AGPAT4: variants seen among roughly 807,000 people sequenced by gnomAD.
The protein encoded by AGPAT4 is 1-acyl-sn-glycerol-3-phosphate acyltransferase delta.
A neutral mutation model predicts 48.0 loss-of-function variants in AGPAT4; 15 were observed. That is an observed-to-expected ratio of 0.31 (90% CI 0.21 to 0.48). The LOEUF (loss-of-function observed/expected upper bound fraction) is 0.48, where lower values mean the gene tolerates loss of function less well. Among genes scored for constraint, AGPAT4 ranks in the 20% least tolerant of loss-of-function variants. AGPAT4 has a pLI of 0.99. For missense variants in AGPAT4, 314 were observed against 482.5 expected, an observed-to-expected ratio of 0.65 and a Z score of 3.27; for synonymous variants, 178 against 198.7, an observed-to-expected ratio of 0.90 and a Z score of 0.88.
chr6:161,261,609 G>A lies in AGPAT4; in HGVS notation c.-90+12329C>T, dbSNP rs566261470. On this transcript the variant is annotated intron_variant, in intron 1 of 8. Transcript: ENST00000320285. The surrounding 1 kb of genome is among the most constrained non-coding windows in gnomAD (Gnocchi z 5.3). Reference sequence around the variant, plus strand: ...AGGCATCATCATTAACAAAGCCAACGGAGGGATATTTTACCTTCCACAAAT... The same window carrying A: ...AGGCATCATCATTAACAAAGCCAACAGAGGGATATTTTACCTTCCACAAAT... Among the ~76,000 whole-genome samples the A allele has an allele frequency of 1.8e-4, 28 of 152,296 alleles. No individual in the cohort carries two copies. The South Asian group carries it at 5.2e-3, about 28-fold the overall frequency.
intron 2 of AGPAT4, among the ~76,000 whole-genome samples, chr6:161,176,008 G>C (rs2114988289): frequency 6.6e-6 from 1 of 152,302 alleles, no homozygotes; most frequent in South Asian, 2.1e-4. Flanking sequence ...GAGACAGTTT[G>C]TTATAACTTC....
intron 1 of AGPAT4, among the ~76,000 whole-genome samples, chr6:161,252,460 GAATA>G (rs1782829581): frequency 6.6e-6 from 1 of 152,072 alleles, no homozygotes; most frequent in Non-Finnish European, 1.5e-5. Context: ...AATTATAAAT[GAATA>G]AATAGAAAAT....
Position 161,164,154 on chromosome 6 carries a change from G to A in AGPAT4, c.348+2094C>T, listed in dbSNP as rs1183244028. 6.6e-6 allele frequency among the ~76,000 whole-genome samples: 1 copy of A among 152,132 alleles called. No homozygotes were observed. Among genetic ancestry groups the A allele is most frequent in the Non-Finnish European group, 1.5e-5 (1 of 67,964 alleles). On this transcript the variant is annotated intron_variant, in intron 3 of 8. Transcript: ENST00000320285. This position sits in a 1 kb window ranked among gnomAD's most constrained non-coding sequence, Gnocchi z 7.4. ...ATCATGGATTCGGAAGCCTTTGGGA[G>A]CAAAACCCTAAACGGTGCTGAGATT... is the stretch of plus-strand genomic sequence containing the variant.
rs1335162222 is a variant in AGPAT4 at position 161,184,699 on chromosome 6, G to T, written c.179-18282C>A. On this transcript the variant is annotated intron_variant, in intron 2 of 8. Coordinates refer to ENST00000320285, the MANE Select transcript of AGPAT4 (RefSeq NM_020133.3). This position sits in a 1 kb window ranked among gnomAD's most constrained non-coding sequence, Gnocchi z 4.8. ...CAGCCCATGCCCAGTCAGTCATCAGGGACAGTTTACCTGCCAGGTTTCCAC... is the reference window on the plus strand; with the variant it reads ...CAGCCCATGCCCAGTCAGTCATCAGTGACAGTTTACCTGCCAGGTTTCCAC... Among the ~76,000 whole-genome samples the T allele has an allele frequency of 1.3e-5, 2 of 152,040 alleles. No individual in the cohort carries two copies. The highest frequency in any genetic ancestry group is 2.9e-5 in the Non-Finnish European group (2 of 68,024).
rs1185289029 is a variant in AGPAT4, at chr6:161,135,157, G to A, written c.*1383C>T. The A allele has an allele frequency of 6.6e-6, 1 of 152,200 alleles. No individual in the cohort carries two copies. Among genetic ancestry groups the A allele is most frequent in the Admixed American group, 6.5e-5 (1 of 15,280 alleles). The allele number at this position is 152,200 out of a possible 1,614,324, so 9.4% of individuals were successfully genotyped here. A position where few individuals can be genotyped will look rare whatever the true frequency, so the allele number is the denominator to read the frequency against. On this transcript the variant is annotated 3_prime_UTR_variant, in exon 9 of 9. Coordinates refer to ENST00000320285, the MANE Select transcript of AGPAT4 (RefSeq NM_020133.3). ...CATAGAATAGGCCTTATAATGTGTG[G>A]CCAGTTTTTGTATAGAGCTGTTCAT...
intron 3 of AGPAT4, chr6:161,160,101 C>CT (rs1410204576): frequency 4.7e-5 from 6 of 128,982 alleles, no homozygotes; most frequent in Middle Eastern, 8.0e-3. Context: ...CCACACCCAG[C>CT]TAATTTTTTT....
In AGPAT4 at chr6:161,233,484, C is replaced by T. The variant is rs562527119; in HGVS notation, c.-89-1182G>A. ...TTTTTAATAATGAACAATCTGTATACAGATGGTCCTCGACTTATGATTCCA... is the reference window on the plus strand; with the variant it reads ...TTTTTAATAATGAACAATCTGTATATAGATGGTCCTCGACTTATGATTCCA... On this transcript the variant is annotated intron_variant, in intron 1 of 8. Transcript: ENST00000320285. The surrounding 1 kb of genome is among the most constrained non-coding windows in gnomAD (Gnocchi z 5.4). Among the ~76,000 whole-genome samples, 1 of 152,316 alleles carries T rather than the reference C, an allele frequency of 6.6e-6. No homozygotes were observed. Among genetic ancestry groups the T allele is most frequent in the South Asian group, 2.1e-4 (1 of 4,826 alleles).
intron 3 of AGPAT4, chr6:161,160,907 T>C (rs1779909650): frequency 2.3e-6 from 1 of 426,896 alleles, no homozygotes; most frequent in South Asian, 1.7e-5. Flanking sequence ...CAGAAAGTAA[T>C]AGGAGCGATT....
At chr6:161,191,063 T>C (rs1780909715) in intron 2 of AGPAT4, among the ~76,000 whole-genome samples, 1 of 152,188 alleles carries the variant, frequency 6.6e-6, no homozygotes, top group Non-Finnish European at 1.5e-5. Context: ...AAGAACACAA[T>C]ATGGAGAAGG....
At position 161,266,506 on chromosome 6, in the gene AGPAT4, T is replaced by C. The variant is rs188096791; in HGVS notation, c.-90+7432A>G. 1.3e-5 allele frequency among the ~76,000 whole-genome samples: 2 copies of C among 152,118 alleles called. No homozygotes were observed. Among genetic ancestry groups the C allele is most frequent in the East Asian group, 1.9e-4 (1 of 5,184 alleles). On this transcript the variant is annotated intron_variant, in intron 1 of 8. Transcript: ENST00000320285. The surrounding 1 kb of genome is among the most constrained non-coding windows in gnomAD (Gnocchi z 6.2). ...GCATCTAGAAAGAGTGACTGTTTTATGAAGGGTGAATGGGGTGATGGGAGA... is the reference window on the plus strand; with the variant it reads ...GCATCTAGAAAGAGTGACTGTTTTACGAAGGGTGAATGGGGTGATGGGAGA...
rs1782746054 is a variant in AGPAT4, at chr6:161,249,398, A to G, written c.-89-17096T>C. Among the ~76,000 whole-genome samples, 1 of 152,248 alleles carries G rather than the reference A, an allele frequency of 6.6e-6. No individual in the cohort carries two copies. Among genetic ancestry groups the G allele is most frequent in the Non-Finnish European group, 1.5e-5 (1 of 68,040 alleles). Reference sequence around the variant, plus strand: ...CAGACAACCTACAGAATGGGATGATATATTTGCAAACTATGCATCTGACAA... The same window carrying G: ...CAGACAACCTACAGAATGGGATGATGTATTTGCAAACTATGCATCTGACAA... On this transcript the variant is annotated intron_variant, in intron 1 of 8. Coordinates refer to ENST00000320285, the MANE Select transcript of AGPAT4 (RefSeq NM_020133.3). This position sits in a 1 kb window ranked among gnomAD's most constrained non-coding sequence, Gnocchi z 6.2.
rs557690069 is a variant in AGPAT4 at position 161,267,055 on chromosome 6, C to T, written c.-90+6883G>A. ...AAAGCCTCTGACTCCATCCACCCAC[C>T]GCCTTGGGAACTCTGAGAGCAGCCA... is the stretch of plus-strand genomic sequence containing the variant. On this transcript the variant is annotated intron_variant, in intron 1 of 8. Transcript: ENST00000320285. This position sits in a 1 kb window ranked among gnomAD's most constrained non-coding sequence, Gnocchi z 5.2. Among the ~76,000 whole-genome samples, 21 of 152,314 alleles carry T rather than the reference C, an allele frequency of 1.4e-4. No homozygotes were observed. The East Asian group carries it at 2.5e-3, about 18-fold the overall frequency.
At position 161,143,548 on chromosome 6, in the gene AGPAT4, AAAG is replaced by A. The variant is rs1034995787; in HGVS notation, c.843+2973_843+2975del. Among the ~76,000 whole-genome samples the A allele has an allele frequency of 2.0e-5, 3 of 152,220 alleles. No homozygotes were observed. Among genetic ancestry groups the A allele is most frequent in the African/African-American group, 7.2e-5 (3 of 41,446 alleles). Reference sequence around the variant, plus strand: ...ATGGCTATCGTGACCTCCCTGGAAAAAAGGGGGTTCTGAGGTTGTAGGTTCAGC... The same window carrying A: ...ATGGCTATCGTGACCTCCCTGGAAAAGGGGTTCTGAGGTTGTAGGTTCAGC... On this transcript the variant is annotated intron_variant, in intron 7 of 8. Transcript: ENST00000320285. This position sits in a 1 kb window ranked among gnomAD's most constrained non-coding sequence, Gnocchi z 4.7.
In AGPAT4 at chr6:161,195,766, G is replaced by A. The variant is rs1781050504; in HGVS notation, c.179-29349C>T. Among the ~76,000 whole-genome samples, 1 of 152,224 alleles carries A rather than the reference G, an allele frequency of 6.6e-6. No individual in the cohort carries two copies. Among genetic ancestry groups the A allele is most frequent in the South Asian group, 2.1e-4 (1 of 4,828 alleles). ...TGCAGAGAACCTGGAGACATTTAGG[G>A]AGGCATGCCACACCCTCGGGGCTCG... is the stretch of plus-strand genomic sequence containing the variant. On this transcript the variant is annotated intron_variant, in intron 2 of 8. Transcript: ENST00000320285. This position sits in a 1 kb window ranked among gnomAD's most constrained non-coding sequence, Gnocchi z 5.0.
Position 161,137,325 on chromosome 6 carries a change from G to A in AGPAT4, c.1043-691C>T, listed in dbSNP as rs535972549. On this transcript the variant is annotated intron_variant, in intron 8 of 8. Coordinates refer to ENST00000320285, the MANE Select transcript of AGPAT4 (RefSeq NM_020133.3). The surrounding 1 kb of genome is among the most constrained non-coding windows in gnomAD (Gnocchi z 6.1). The stretch of plus-strand genomic sequence containing the variant: ...TAATCATTTGATGTGCTCAGCACTG[G>A]GCATGGGGCTTGGAAAACAGTCCAT... Among the ~76,000 whole-genome samples the A allele has an allele frequency of 6.6e-6, 1 of 152,336 alleles. No homozygotes were observed. Among genetic ancestry groups the A allele is most frequent in the South Asian group, 2.1e-4 (1 of 4,828 alleles).
In AGPAT4 at chr6:161,164,840, G is replaced by A. The variant is rs954730072; in HGVS notation, c.348+1408C>T. ...CCTGGTCCACGAATTATGAATGTTT[G>A]CACATTCTAAGCATGAACACTACCA... On this transcript the variant is annotated intron_variant, in intron 3 of 8. Transcript: ENST00000320285. The surrounding 1 kb of genome is among the most constrained non-coding windows in gnomAD (Gnocchi z 7.4). Among the ~76,000 whole-genome samples the A allele has an allele frequency of 1.3e-5, 2 of 152,160 alleles. No individual in the cohort carries two copies. Among genetic ancestry groups the A allele is most frequent in the South Asian group, 2.1e-4 (1 of 4,824 alleles).
chr6:161,151,122 G>A (rs1230817141), intron 5 of AGPAT4, among the ~76,000 whole-genome samples: 3 of 152,208 alleles, frequency 2.0e-5, no homozygotes, highest in Non-Finnish European at 4.4e-5. Flanking sequence ...GCATCAGAAG[G>A]AGTGAGAGCA....
At position 161,141,308 on chromosome 6, in the gene AGPAT4, G is replaced by A. The variant is rs144158646; in HGVS notation, c.844-1688C>T. Among the ~76,000 whole-genome samples, 5 of 152,220 alleles carry A rather than the reference G, an allele frequency of 3.3e-5. No individual in the cohort carries two copies. In the East Asian group the frequency reaches 9.7e-4, roughly 30 times the overall value. On this transcript the variant is annotated intron_variant, in intron 7 of 8. Coordinates refer to ENST00000320285, the MANE Select transcript of AGPAT4 (RefSeq NM_020133.3). The surrounding 1 kb of genome is among the most constrained non-coding windows in gnomAD (Gnocchi z 6.7). Reference sequence around the variant, plus strand: ...AGAGAAGCCATGGGGGCTCTCAGGGGAAGTCACATCATCAAGCAACTGAAG... The same window carrying A: ...AGAGAAGCCATGGGGGCTCTCAGGGAAAGTCACATCATCAAGCAACTGAAG...
chr6:161,244,482 T>C lies in AGPAT4; in HGVS notation c.-89-12180A>G, dbSNP rs1782595276. On this transcript the variant is annotated intron_variant, in intron 1 of 8. Transcript: ENST00000320285. The surrounding 1 kb of genome is among the most constrained non-coding windows in gnomAD (Gnocchi z 4.7). Reference sequence around the variant, plus strand: ...TCCTTAAGCTTATTTCATCATTTAGTATTTTCATGTTTAATAACCATTGGG... The same window carrying C: ...TCCTTAAGCTTATTTCATCATTTAGCATTTTCATGTTTAATAACCATTGGG... Among the ~76,000 whole-genome samples the C allele has an allele frequency of 6.6e-6, 1 of 152,200 alleles. No homozygotes were observed. The highest frequency in any genetic ancestry group is 1.5e-5 in the Non-Finnish European group (1 of 68,046).
Sources: gnomAD v4.1 joint callset for allele counts (sites outside exome capture counted in the v4.1 genomes callset) on GRCh38, gnomAD v4.1.1 for gene constraint, Gnocchi (gnomAD v3.1) non-coding constraint, MANE v1.5 for transcripts, NCBI Gene and HGNC (gene_info 2026-07-23, HGNC 2026-07-21) for gene names.